The following FHOD3 variants were observed in gnomAD, a reference collection of about 807,000 sequenced individuals.
FHOD3 encodes formin homology 2 domain containing 3, also known as FH1/FH2 domain-containing protein 3.
FHOD3 carries 90 observed loss-of-function variants against 173.0 expected under a neutral mutation model. The ratio of observed to expected loss-of-function variants is 0.52; its 90% CI spans 0.44 to 0.62. The LOEUF (loss-of-function observed/expected upper bound fraction) is 0.62. FHOD3 is among the 20% of genes least tolerant of loss of function. FHOD3 has a pLI of 0.00. For synonymous variants in FHOD3, 828 were observed against 823.0 expected, an observed-to-expected ratio of 1.01 and a Z score of -0.10; for missense variants, 1,945 against 2,034.7, an observed-to-expected ratio of 0.96 and a Z score of 0.85.
chr18:36,440,420 A>T (rs1469999165), intron 3 of FHOD3, among the ~76,000 whole-genome samples: 1 of 152,214 alleles, frequency 6.6e-6, no homozygotes, highest in African/African-American at 2.4e-5. Flanking sequence ...GAGCTCCTTG[A>T]AAGGGCCACA....
intron 9 of FHOD3, 101 bp from the exon 10 acceptor site, chr18:36,625,410 T>C: frequency 9.1e-7 from 1 of 1,102,702 alleles, no homozygotes; most frequent in Non-Finnish European, 1.2e-6. Flanking sequence ...GAAGACAGAG[T>C]TAAAAATCCC....
chr18:36,486,997 TAG>T (rs2054228020), intron 3 of FHOD3, among the ~76,000 whole-genome samples: 1 of 152,242 alleles, frequency 6.6e-6, no homozygotes, highest in Non-Finnish European at 1.5e-5. Flanking sequence ...TATTGCTGAT[TAG>T]TGCACCCTTG....
chr18:36,312,487 G>A lies in FHOD3; in HGVS notation c.165+14487G>A, dbSNP rs537593419. Among the ~76,000 whole-genome samples the A allele has an allele frequency of 5.6e-4, 85 of 152,148 alleles. 1 individual carries two copies. Among genetic ancestry groups the A allele is most frequent in the Admixed American group, 1.7e-3 (26 of 15,290 alleles). The stretch of plus-strand genomic sequence containing the variant: ...TCCCAACAGGCATTGAACCTGCCCC[G>A]CATCTAGATCAGATCTTGTCATCTT... On this transcript the variant is annotated intron_variant, in intron 1 of 28. Coordinates refer to ENST00000590592, the MANE Select transcript of FHOD3 (RefSeq NM_001281740.3).
chr18:36,321,233 G>C (rs1196947603), intron 1 of FHOD3, among the ~76,000 whole-genome samples: 1 of 152,158 alleles, frequency 6.6e-6, no homozygotes, highest in Admixed American at 6.5e-5. Flanking sequence ...GTGGGATGTG[G>C]TGTCATCCAT....
chr18:36,632,685 C>G (rs1410075406), intron 10 of FHOD3, among the ~76,000 whole-genome samples: 1 of 152,082 alleles, frequency 6.6e-6, no homozygotes, highest in Admixed American at 6.6e-5. Context: ...CTGCGTTGTC[C>G]TGGGAAAATG....
chr18:36,531,432 A>G (rs115402992), intron 5 of FHOD3, among the ~76,000 whole-genome samples: 2,855 of 152,128 alleles, frequency 0.019, 80 homozygotes, highest in African/African-American at 0.066. Context: ...AGTCACAGCC[A>G]TTCCTGTCCA....
intron 21 of FHOD3, among the ~76,000 whole-genome samples, chr18:36,741,655 C>A (rs1304810267): frequency 6.6e-6 from 1 of 152,036 alleles, no homozygotes; most frequent in African/African-American, 2.4e-5. Flanking sequence ...CTTGTAGTCC[C>A]AGCTACTCAG....
chr18:36,547,863 A>C (rs961065010), intron 5 of FHOD3, among the ~76,000 whole-genome samples: 4 of 152,328 alleles, frequency 2.6e-5, no homozygotes, highest in Non-Finnish European at 5.9e-5. Flanking sequence ...GGATTAAAGC[A>C]GAGGAGTAAG....
At chr18:36,696,549 T>G (rs1034872015) in intron 17 of FHOD3, among the ~76,000 whole-genome samples, 1 of 152,228 alleles carries the variant, frequency 6.6e-6, no homozygotes, top group African/African-American at 2.4e-5. Flanking sequence ...TAATGATAAA[T>G]ACTGATAGCA....
At chr18:36,576,195 C>T (rs1246732715) in intron 5 of FHOD3, among the ~76,000 whole-genome samples, 1 of 152,210 alleles carries the variant, frequency 6.6e-6, no homozygotes, top group Non-Finnish European at 1.5e-5. Context: ...TCAAGGCACA[C>T]AGAAACAACA....
chr18:36,529,296 C>T (rs1280120846), intron 5 of FHOD3, among the ~76,000 whole-genome samples: 1 of 152,154 alleles, frequency 6.6e-6, no homozygotes, highest in African/African-American at 2.4e-5. Context: ...GTCTGATGCT[C>T]TTCGTTTAGC....
chr18:36,572,094 A>G (rs562618970), intron 5 of FHOD3, among the ~76,000 whole-genome samples: 2 of 152,316 alleles, frequency 1.3e-5, no homozygotes, highest in South Asian at 4.1e-4. Context: ...AATAGATAGT[A>G]TGGTATAGCC....
At chr18:36,594,109 C>T (rs896351529) in intron 6 of FHOD3, among the ~76,000 whole-genome samples, 2 of 152,160 alleles carry the variant, frequency 1.3e-5, no homozygotes, top group African/African-American at 4.8e-5. Flanking sequence ...GTGGCAGCTT[C>T]AGTTGGGAGG....
intron 3 of FHOD3, among the ~76,000 whole-genome samples, chr18:36,498,176 CAAT>C (rs199501160): frequency 0.018 from 2,690 of 152,042 alleles, 60 homozygotes; most frequent in African/African-American, 0.06. Flanking sequence ...AAAATGAAAA[CAAT>C]ATATCAAAAT....
chr18:36,556,177 C>T (rs187633586), intron 5 of FHOD3, among the ~76,000 whole-genome samples: 36 of 152,076 alleles, frequency 2.4e-4, no homozygotes, highest in African/African-American at 7.0e-4. Flanking sequence ...GTCTTTTTAG[C>T]TGTAATTCCA....
chr18:36,312,156 A>C (rs569692497), intron 1 of FHOD3, among the ~76,000 whole-genome samples: 1 of 152,134 alleles, frequency 6.6e-6, no homozygotes, highest in African/African-American at 2.4e-5. Context: ...GACTTATAGA[A>C]TCTCACAGCA....
intron 3 of FHOD3, among the ~76,000 whole-genome samples, chr18:36,405,321 C>T (rs1161360293): frequency 6.6e-6 from 1 of 152,178 alleles, no homozygotes; most frequent in Non-Finnish European, 1.5e-5. Context: ...GGTTCGATTC[C>T]ACCAATTTGT....
chr18:36,439,461 A>C (rs1258648205), intron 3 of FHOD3, among the ~76,000 whole-genome samples: 1 of 151,884 alleles, frequency 6.6e-6, no homozygotes, highest in Non-Finnish European at 1.5e-5. Flanking sequence ...GCACTTGTCA[A>C]ATCTGAATGT....
At chr18:36,736,982 A>G (rs192664028) in intron 20 of FHOD3, among the ~76,000 whole-genome samples, 23 of 152,336 alleles carry the variant, frequency 1.5e-4, no homozygotes, top group African/African-American at 4.8e-4. Flanking sequence ...ACTTAGAAAA[A>G]CAAATTAAAA....
Sources: gnomAD v4.1 joint callset for allele counts (sites outside exome capture counted in the v4.1 genomes callset) on GRCh38, gnomAD v4.1.1 for gene constraint, MANE v1.5 for transcripts, NCBI Gene and HGNC (gene_info 2026-07-23, HGNC 2026-07-21) for gene names.